Variants in RANBP17 observed in about 807,000 individuals in gnomAD.
The protein encoded by RANBP17 is RAN binding protein 17.
In RANBP17, 158 loss-of-function variants were observed where a neutral mutation model predicts 141.2. The ratio of observed to expected loss-of-function variants is 1.12; its 90% confidence interval spans 0.98 to 1.28. RANBP17 has a LOEUF of 1.28. Ranked by LOEUF, RANBP17 falls within the 50% of genes most tolerant of loss-of-function variation. The pLI is 0.00. For synonymous variants in RANBP17, 430 were observed against 450.0 expected (o/e 0.96, Z 0.56); for missense variants, 1,438 against 1,290.7 (o/e 1.11, Z -1.75).
chr5:171,033,085 T>G (rs538506611), intron 14 of RANBP17, among the ~76,000 whole-genome samples: 13 of 125,624 alleles, frequency 1.0e-4, no homozygotes, highest in Non-Finnish European at 1.9e-4. Flanking sequence ...CCTTTCAAAG[T>G]CTGTGGCCTG....
chr5:171,265,221 TG>T (rs1766590790), intron 24 of RANBP17, among the ~76,000 whole-genome samples: 1 of 152,224 alleles, frequency 6.6e-6, no homozygotes, highest in African/African-American at 2.4e-5. Context: ...TAATAGACAC[TG>T]GGTTCAAAGA....
rs1561835899 is a variant in RANBP17 at position 171,293,987 on chromosome 5, T to A, written c.3042+6T>A. The A allele has an allele frequency of 1.9e-6, 3 of 1,606,598 alleles. No individual in the cohort carries two copies. Among genetic ancestry groups the A allele is most frequent in the Non-Finnish European group, 2.6e-6 (3 of 1,173,350 alleles). On this transcript the variant is annotated splice_donor_region_variant and intron_variant, in intron 26 of 27. Coordinates refer to ENST00000523189, the MANE Select transcript of RANBP17 (RefSeq NM_022897.5). The stretch of plus-strand genomic sequence containing the variant: ...TCATCCTGCTCAATGAGAAGGTGAG[T>A]GTGATTGCAGGAAGTCACGGGAGGT...
chr5:171,017,804 C>T (rs571167147), intron 14 of RANBP17, among the ~76,000 whole-genome samples: 12 of 152,092 alleles, frequency 7.9e-5, no homozygotes, highest in Admixed American at 1.3e-4. Context: ...TTGCTTTTGG[C>T]GTTTTCATCA....
rs569418763 is a variant in RANBP17 at position 171,034,287 on chromosome 5, G to A, written c.1710+65910G>A. Among the ~76,000 whole-genome samples the A allele has an allele frequency of 3.9e-5, 6 of 152,240 alleles. No individual in the cohort carries two copies. In the East Asian group the frequency reaches 9.6e-4, roughly 24 times the overall value. On this transcript the variant is annotated intron_variant, in intron 14 of 27. Transcript: ENST00000523189. ...TTCCAAAGAGGACAGCTTGGTCCCA[G>A]GTTGTAATTACAAGCCACTTACACA...
At chr5:171,089,070 T>C (rs1247911322) in intron 14 of RANBP17, among the ~76,000 whole-genome samples, 1 of 152,010 alleles carries the variant, frequency 6.6e-6, no homozygotes, top group Non-Finnish European at 1.5e-5. Context: ...TTTTCTGCTC[T>C]GTTTTTTCCC....
intron 21 of RANBP17, among the ~76,000 whole-genome samples, chr5:171,219,305 T>C (rs543946889): frequency 1.3e-5 from 2 of 152,202 alleles, no homozygotes; most frequent in Non-Finnish European, 2.9e-5. Flanking sequence ...CTGACCTCTC[T>C]CTCTGGCTGC....
At chr5:170,922,268 G>T (rs1385709000) in intron 11 of RANBP17, among the ~76,000 whole-genome samples, 1 of 152,146 alleles carries the variant, frequency 6.6e-6, no homozygotes, top group East Asian at 1.9e-4. Flanking sequence ...GTGTTTCCCA[G>T]TCAGGCTACA....
Position 171,183,186 on chromosome 5 carries a change from C to T in RANBP17, c.1885C>T (p.Leu629Phe). 2 of 1,568,456 alleles carry T rather than the reference C, an allele frequency of 1.3e-6. No homozygotes were observed. Among genetic ancestry groups the T allele is most frequent in the Non-Finnish European group, 1.8e-6 (2 of 1,138,794 alleles). The change falls in exon 17 of 28, where the codon CTT (leucine) becomes TTT (phenylalanine). Residue 629 changes from leucine (L) to phenylalanine (F), a missense_variant. By Grantham distance (22) the Leu-to-Phe change is conservative (BLOSUM62 0). Transcript: ENST00000523189. ...LSVGYILLKK[L>F]VKIDAVKFML... is the part of the protein sequence containing the mutation. ...TATTACTTATATCCTTTTAAAAAAA[C>T]TTGTGAAGATAGATGCTGTGAAATT...
At chr5:171,100,027 C>T (rs553215328) in intron 14 of RANBP17, among the ~76,000 whole-genome samples, 27 of 152,136 alleles carry the variant, frequency 1.8e-4, no homozygotes, top group South Asian at 4.1e-4. Context: ...GAGGATTTTT[C>T]GCATCGATGT....
intron 14 of RANBP17, among the ~76,000 whole-genome samples, chr5:171,157,324 T>C (rs185728526): frequency 3.5e-4 from 54 of 152,352 alleles, no homozygotes; most frequent in Admixed American, 2.7e-3. Flanking sequence ...TCTGCATGTA[T>C]ATTTCAGTAA....
intron 3 of RANBP17, among the ~76,000 whole-genome samples, chr5:170,888,442 G>T (rs1268491820): frequency 6.6e-6 from 1 of 152,036 alleles, no homozygotes; most frequent in Non-Finnish European, 1.5e-5. Context: ...TATTTTGTTA[G>T]ATTTAAATCT....
chr5:170,883,995 T>C (rs1768943842), intron 3 of RANBP17, among the ~76,000 whole-genome samples: 2 of 152,196 alleles, frequency 1.3e-5, no homozygotes, highest in Non-Finnish European at 2.9e-5. Flanking sequence ...GATTATATGT[T>C]AAGAGTGTGT....
At chr5:171,064,439 TTAAC>T (rs764634080) in intron 14 of RANBP17, among the ~76,000 whole-genome samples, 2 of 152,268 alleles carry the variant, frequency 1.3e-5, no homozygotes, top group South Asian at 2.1e-4. Context: ...TTTTACATAA[TTAAC>T]AAGCATTTTT....
Position 171,242,669 on chromosome 5 carries a change from C to A in RANBP17, c.2638-13C>A, listed in dbSNP as rs763773655. 1.2e-6 allele frequency: 2 copies of A among 1,612,016 alleles called. No individual in the cohort carries two copies. The highest frequency in any genetic ancestry group is 4.5e-5 in the East Asian group (2 of 44,792). On this transcript the variant is annotated splice_polypyrimidine_tract_variant and intron_variant, in intron 23 of 27. Coordinates refer to ENST00000523189, the MANE Select transcript of RANBP17 (RefSeq NM_022897.5). ...CTCTGTGGCTTGACATTTAGTATAT[C>A]TCTGTGTTGTAGCAATACCGGAAAC...
intron 14 of RANBP17, among the ~76,000 whole-genome samples, chr5:171,128,763 G>A (rs1756683521): frequency 6.6e-6 from 1 of 151,872 alleles, no homozygotes. Context: ...AAAATATCAT[G>A]TGTACCTCAT....
In RANBP17 at chr5:171,089,250, G is replaced by A. The variant is rs202000706; in HGVS notation, c.1711-80880G>A. Among the ~76,000 whole-genome samples the A allele has an allele frequency of 1.0e-4, 9 of 87,438 alleles. 1 individual carries two copies. The highest frequency in any genetic ancestry group is 1.7e-4 in the Non-Finnish European group (6 of 35,272). 57.4% of individuals were successfully genotyped at this position (87,438 alleles called of 152,430 possible). ...GTGTCAGTGTGCCCCTGCTGGGGGG[G>A]GCCTCCCAGTTAGGCTGCTCGGGGG... is the stretch of plus-strand genomic sequence containing the variant. On this transcript the variant is annotated intron_variant, in intron 14 of 27. Coordinates refer to ENST00000523189, the MANE Select transcript of RANBP17 (RefSeq NM_022897.5).
chr5:170,910,940 T>C lies in RANBP17; in HGVS notation c.595-29T>C, dbSNP rs112257926. On this transcript the variant is annotated intron_variant, in intron 6 of 27. Transcript: ENST00000523189. ...GTAAATTTATTGATGTATTTCGCAGTGTTTTCTTTGATTTTGTACTTTTTT... is the reference window on the plus strand; with the variant it reads ...GTAAATTTATTGATGTATTTCGCAGCGTTTTCTTTGATTTTGTACTTTTTT... 1.1e-3 allele frequency: 1,789 copies of C among 1,599,980 alleles called. 17 individuals are homozygous for C. In the African/African-American group the frequency reaches 0.021, roughly 19 times the overall value.
chr5:171,138,739 G>A (rs1046655973), intron 14 of RANBP17, among the ~76,000 whole-genome samples: 2 of 152,088 alleles, frequency 1.3e-5, no homozygotes, highest in African/African-American at 4.8e-5. Context: ...TGGTATATAG[G>A]AATTCTTTGT....
At chr5:171,119,992 G>A (rs912960030) in intron 14 of RANBP17, among the ~76,000 whole-genome samples, 10 of 143,814 alleles carry the variant, frequency 7.0e-5, no homozygotes, top group Non-Finnish European at 1.3e-4. Flanking sequence ...AGCCGAGATC[G>A]AGCCATTGCA....
Sources: gnomAD v4.1 joint callset for allele counts (sites outside exome capture counted in the v4.1 genomes callset) on GRCh38, gnomAD v4.1.1 for gene constraint, MANE v1.5 for transcripts, NCBI Gene and HGNC (gene_info 2026-07-23, HGNC 2026-07-21) for gene names.